The following LRMDA variants were observed in gnomAD, a reference collection of about 807,000 sequenced individuals.
LRMDA encodes leucine rich melanocyte differentiation associated.
A neutral mutation model predicts 29.8 loss-of-function variants in LRMDA; 18 were observed. The observed-to-expected ratio is 0.60, with a 90% CI of 0.42 to 0.90. The LOEUF (loss-of-function observed/expected upper bound fraction) is 0.90, where lower values mean the gene tolerates loss of function less well. Ranked by LOEUF, LRMDA falls within the 40% of genes least tolerant of loss-of-function variation. The pLI, the probability that LRMDA is intolerant of heterozygous loss-of-function variation, is 0.00. For missense variants in LRMDA, 273 were observed against 273.9 expected (o/e 1.00, Z 0.02); for synonymous variants, 125 against 109.4 (o/e 1.14, Z -0.89).
chr10:75,966,982 G>T (rs1317910135), intron 2 of LRMDA, among the ~76,000 whole-genome samples: 1 of 152,238 alleles, frequency 6.6e-6, no homozygotes, highest in African/African-American at 2.4e-5. Context: ...CCTTCACACA[G>T]TGTGTGACAA....
At chr10:75,728,746 C>T (rs1842660442) in intron 2 of LRMDA, among the ~76,000 whole-genome samples, 1 of 152,024 alleles carries the variant, frequency 6.6e-6, no homozygotes, top group South Asian at 2.1e-4. Context: ...ATGTGCTGTG[C>T]TTCTAGGGCT....
chr10:75,554,972 C>A (rs1840196863), intron 2 of LRMDA, among the ~76,000 whole-genome samples: 1 of 152,134 alleles, frequency 6.6e-6, no homozygotes, highest in Admixed American at 6.6e-5. Context: ...GGAGTGGATT[C>A]TTGTTCTCCT....
At chr10:76,006,599 GA>G (rs967224760) in intron 2 of LRMDA, among the ~76,000 whole-genome samples, 20 of 152,078 alleles carry the variant, frequency 1.3e-4, no homozygotes, top group Non-Finnish European at 1.9e-4. Flanking sequence ...CAATCTAGGG[GA>G]AAAAAATCTT....
chr10:75,592,774 G>T (rs1201316188), intron 2 of LRMDA, among the ~76,000 whole-genome samples: 3 of 152,224 alleles, frequency 2.0e-5, no homozygotes, highest in Non-Finnish European at 4.4e-5. Context: ...GCTATTGCTG[G>T]CTTAGTTATG....
intron 6 of LRMDA, among the ~76,000 whole-genome samples, chr10:76,368,647 G>A (rs1326565895): frequency 1.3e-5 from 2 of 152,124 alleles, no homozygotes; most frequent in Non-Finnish European, 2.9e-5. Context: ...TAAATTCATT[G>A]TTTCTTTGTT....
intron 2 of LRMDA, among the ~76,000 whole-genome samples, chr10:75,575,062 A>G (rs1194818814): frequency 6.6e-6 from 1 of 152,160 alleles, no homozygotes; most frequent in Non-Finnish European, 1.5e-5. Context: ...AGGAAGAGAG[A>G]GAAGGGAGAG....
intron 6 of LRMDA, among the ~76,000 whole-genome samples, chr10:76,467,230 T>G (rs1274591991): frequency 6.6e-6 from 1 of 152,156 alleles, no homozygotes; most frequent in Non-Finnish European, 1.5e-5. Flanking sequence ...TAGGGTGAGA[T>G]TACAATGTAC....
At chr10:76,466,020 A>G (rs1842561453) in intron 6 of LRMDA, among the ~76,000 whole-genome samples, 1 of 152,234 alleles carries the variant, frequency 6.6e-6, no homozygotes, top group Non-Finnish European at 1.5e-5. Context: ...CTGGGGGTTT[A>G]GAACTTCAAC....
chr10:75,909,817 C>T (rs1030670443), intron 2 of LRMDA, among the ~76,000 whole-genome samples: 1 of 152,206 alleles, frequency 6.6e-6, no homozygotes, highest in Non-Finnish European at 1.5e-5. Flanking sequence ...TGTTGGGTCT[C>T]TGAAACCCAT....
rs200725741 is a variant in LRMDA, at chr10:75,698,489, TAGTC to T, written c.131+259998_131+260001del. Reference sequence around the variant, plus strand: ...GGGAATAAGCTGAAACAGTATTTAATAGTCAGACTGAACTGGTGCCCTCACTTGG... The same window carrying T: ...GGGAATAAGCTGAAACAGTATTTAATAGACTGAACTGGTGCCCTCACTTGG... On this transcript the variant is annotated intron_variant, in intron 2 of 6. Coordinates refer to ENST00000611255, the MANE Select transcript of LRMDA (RefSeq NM_001305581.2). 4.1e-3 allele frequency among the ~76,000 whole-genome samples: 619 copies of T among 152,312 alleles called. 14 individuals are homozygous for T. The highest frequency in any genetic ancestry group is 0.036 in the Admixed American group (553 of 15,300).
chr10:76,508,442 T>C (rs966441592), intron 6 of LRMDA, among the ~76,000 whole-genome samples: 3 of 152,184 alleles, frequency 2.0e-5, no homozygotes, highest in Non-Finnish European at 4.4e-5. Context: ...TACCATGCTC[T>C]CCTATTTATA....
Position 75,621,224 on chromosome 10 carries a change from A to C in LRMDA, c.131+182730A>C, listed in dbSNP as rs9416090. Among the ~76,000 whole-genome samples, 703 of 143,102 alleles carry C rather than the reference A, an allele frequency of 4.9e-3. 5 individuals carry two copies. Among genetic ancestry groups the C allele is most frequent in the African/African-American group, 8.6e-3 (338 of 39,124 alleles). The allele number at this position is 143,102 out of a possible 152,430, so 93.9% of individuals were successfully genotyped here. On this transcript the variant is annotated intron_variant, in intron 2 of 6. Transcript: ENST00000611255. ...TACACACACACACACACACACACACACCCACACACCCACACACACACCACA... is the reference window on the plus strand; with the variant it reads ...TACACACACACACACACACACACACCCCCACACACCCACACACACACCACA...
At chr10:76,555,433 A>G (rs16933663) in intron 6 of LRMDA, among the ~76,000 whole-genome samples, 15,395 of 152,054 alleles carry the variant, frequency 0.1, 1,754 homozygotes, top group African/African-American at 0.29. Context: ...CAGTAAACTT[A>G]CTCATGGGAA....
intron 5 of LRMDA, among the ~76,000 whole-genome samples, chr10:76,182,289 C>G (rs1003391057): frequency 1.3e-5 from 2 of 152,138 alleles, no homozygotes; most frequent in African/African-American, 2.4e-5. Context: ...TGAGAACTCC[C>G]TCACTATCAT....
At chr10:75,806,263 T>C (rs1843850039) in intron 2 of LRMDA, among the ~76,000 whole-genome samples, 1 of 152,210 alleles carries the variant, frequency 6.6e-6, no homozygotes, top group South Asian at 2.1e-4. Context: ...GAGATTTGGA[T>C]GGGGACAAAT....
At chr10:75,767,731 C>T (rs1314167013) in intron 2 of LRMDA, among the ~76,000 whole-genome samples, 2 of 152,076 alleles carry the variant, frequency 1.3e-5, no homozygotes, top group Non-Finnish European at 2.9e-5. Flanking sequence ...TAAAAATGCC[C>T]CCCGAAAAGA....
chr10:76,080,062 T>G (rs997793921), intron 5 of LRMDA, among the ~76,000 whole-genome samples: 1 of 152,144 alleles, frequency 6.6e-6, no homozygotes, highest in Admixed American at 6.5e-5. Flanking sequence ...TTCTTCCTCC[T>G]CCTCCTCCCT....
chr10:76,400,002 T>C (rs1014864108), intron 6 of LRMDA, among the ~76,000 whole-genome samples: 12 of 152,226 alleles, frequency 7.9e-5, no homozygotes, highest in African/African-American at 2.9e-4. Flanking sequence ...TATGTGTGGA[T>C]GGGACCTGTG....
At chr10:76,241,813 C>T (rs1381860257) in intron 5 of LRMDA, among the ~76,000 whole-genome samples, 2 of 152,134 alleles carry the variant, frequency 1.3e-5, no homozygotes, top group Non-Finnish European at 2.9e-5. Flanking sequence ...GAGAGGGTAG[C>T]CACTCACCAG....
Sources: allele counts gnomAD v4.1 joint callset (sites outside exome capture counted in the v4.1 genomes callset), GRCh38; gene constraint gnomAD v4.1.1; transcripts MANE v1.5; gene names NCBI Gene and HGNC (gene_info 2026-07-23, HGNC 2026-07-21).